The following CACNB2 variants were observed in gnomAD, a reference collection of about 807,000 sequenced individuals.
CACNB2 encodes the protein voltage-dependent L-type calcium channel subunit beta-2.
CACNB2 carries 42 observed loss-of-function variants against 73.3 expected under a neutral mutation model. That is an observed-to-expected ratio of 0.57 (90% CI 0.45 to 0.74). The LOEUF is 0.74. Among genes scored for constraint, CACNB2 ranks in the 30% least tolerant of loss-of-function variants. The pLI is 0.00. For synonymous variants in CACNB2, 348 were observed against 310.3 expected (o/e 1.12, Z -1.28); for missense variants, 940 against 853.0 (o/e 1.10, Z -1.27).
rs761564584 is a variant in CACNB2, at chr10:18,340,951, C to A, written c.214-60973C>A. The A allele has an allele frequency of 1.9e-6, 3 of 1,613,998 alleles. No individual in the cohort carries two copies. Among genetic ancestry groups the A allele is most frequent in the African/African-American group, 2.7e-5 (2 of 74,910 alleles). ...CATGCTTGACAGACGCCTTATAGCT[C>A]CTCAAACTAAATACATTATTCCTGG... is the stretch of plus-strand genomic sequence containing the variant. On this transcript the variant is annotated intron_variant, in intron 2 of 13. Transcript: ENST00000324631.
chr10:18,209,661 A>G (rs953618896), intron 2 of CACNB2, among the ~76,000 whole-genome samples: 3 of 152,142 alleles, frequency 2.0e-5, no homozygotes, highest in Non-Finnish European at 4.4e-5. Flanking sequence ...AGCATACCCA[A>G]ACTTGATGTT....
chr10:18,344,066 C>CAAA lies in CACNB2; in HGVS notation c.214-57843_214-57841dup, dbSNP rs57533459. Among the ~76,000 whole-genome samples the CAAA allele has an allele frequency of 8.2e-5, 9 of 109,504 alleles. 1 individual carries two copies. Among genetic ancestry groups the CAAA allele is most frequent in the African/African-American group, 2.5e-4 (8 of 32,292 alleles). The allele number at this position is 109,504 out of a possible 152,430, so 71.8% of individuals were successfully genotyped here. On this transcript the variant is annotated intron_variant, in intron 2 of 13. Transcript: ENST00000324631. ...AATTTTATATTGCTCAAGCATTTAT[C>CAAA]AAAAAAAAAAAAAAAAAGAAAGTTA... is the stretch of plus-strand genomic sequence containing the variant.
chr10:18,372,920 T>C (rs2042647944), intron 2 of CACNB2, among the ~76,000 whole-genome samples: 1 of 152,222 alleles, frequency 6.6e-6, no homozygotes, highest in African/African-American at 2.4e-5. Flanking sequence ...ATGACTTTTG[T>C]CCACTTTCTC....
intron 3 of CACNB2, among the ~76,000 whole-genome samples, chr10:18,410,345 C>G (rs1225234280): frequency 2.0e-5 from 3 of 152,042 alleles, no homozygotes; most frequent in Non-Finnish European, 2.9e-5. Flanking sequence ...GTTTTGTTCC[C>G]AGTAGTTTTC....
At chr10:18,254,853 A>G (rs189692048) in intron 2 of CACNB2, among the ~76,000 whole-genome samples, 11 of 152,356 alleles carry the variant, frequency 7.2e-5, no homozygotes, top group African/African-American at 2.4e-4. Context: ...ATGCATGGAA[A>G]TGTTCAGGAA....
At chr10:18,424,478 C>T (rs2045495090) in intron 3 of CACNB2, among the ~76,000 whole-genome samples, 3 of 152,120 alleles carry the variant, frequency 2.0e-5, no homozygotes, top group Admixed American at 6.5e-5. Flanking sequence ...TGACATGGCA[C>T]ACTGGTGGGC....
intron 3 of CACNB2, among the ~76,000 whole-genome samples, chr10:18,435,297 A>G (rs548118791): frequency 6.6e-6 from 1 of 152,290 alleles, no homozygotes; most frequent in South Asian, 2.1e-4. Context: ...GACAATAGGC[A>G]ATCCAACATA....
intron 13 of CACNB2, 31 bp from the exon 14 acceptor site, chr10:18,539,199 T>G: frequency 6.2e-7 from 1 of 1,613,756 alleles, no homozygotes. Context: ...CTGACCTTGG[T>G]TAACGCCTGG....
intron 3 of CACNB2, among the ~76,000 whole-genome samples, chr10:18,494,917 T>A (rs1039479124): frequency 6.6e-6 from 1 of 151,922 alleles, no homozygotes; most frequent in African/African-American, 2.4e-5. Context: ...TTAAAAAAAA[T>A]AAAATGTAAA....
intron 2 of CACNB2, chr10:18,340,961 A>C: frequency 6.2e-7 from 1 of 1,614,102 alleles, no homozygotes; most frequent in Non-Finnish European, 8.5e-7. Context: ...CCTCAAACTA[A>C]ATACATTATT....
At chr10:18,300,049 T>A (rs2039446006) in intron 2 of CACNB2, among the ~76,000 whole-genome samples, 1 of 152,014 alleles carries the variant, frequency 6.6e-6, no homozygotes, top group African/African-American at 2.4e-5. Flanking sequence ...GAGACGGAGT[T>A]TCACTCTTCT....
At chr10:18,433,946 G>C (rs2046010339) in intron 3 of CACNB2, among the ~76,000 whole-genome samples, 1 of 151,954 alleles carries the variant, frequency 6.6e-6, no homozygotes, top group Non-Finnish European at 1.5e-5. Flanking sequence ...GAACACAATT[G>C]TGTTAGAACA....
intron 2 of CACNB2, among the ~76,000 whole-genome samples, chr10:18,303,914 A>C (rs752948255): frequency 5.9e-5 from 9 of 152,118 alleles, no homozygotes; most frequent in Non-Finnish European, 8.8e-5. Context: ...ATGAGATTAA[A>C]ATTTATTCAA....
chr10:18,475,548 C>T (rs1426599770), intron 3 of CACNB2, among the ~76,000 whole-genome samples: 1 of 152,144 alleles, frequency 6.6e-6, no homozygotes, highest in Non-Finnish European at 1.5e-5. Context: ...AGAGATGATG[C>T]TCACCGCTGG....
rs2046537604 is a variant in CACNB2 at position 18,443,000 on chromosome 10, G to GTATATATATATATGTATATATA, written c.333+40971_333+40992dup. ...TATATATATATGTATATATATATGTGTATATATATATATGTATATATATAT... is the reference window on the plus strand; with the variant it reads ...TATATATATATGTATATATATATGTGTATATATATATATGTATATATATATATATATATATGTATATATATAT... On this transcript the variant is annotated intron_variant, in intron 3 of 13. Coordinates refer to ENST00000324631, the MANE Select transcript of CACNB2 (RefSeq NM_201596.3). Among the ~76,000 whole-genome samples, 3 of 3,790 alleles carry GTATATATATATATGTATATATA rather than the reference G, an allele frequency of 7.9e-4. 1 individual carries two copies. Among genetic ancestry groups the GTATATATATATATGTATATATA allele is most frequent in the Non-Finnish European group, 1.3e-3 (3 of 2,296 alleles). 2.5% of individuals were successfully genotyped at this position (3,790 alleles called of 152,430 possible).
Position 18,534,174 on chromosome 10 carries a change from A to G in CACNB2, c.1153A>G (p.Ser385Gly). ...ADTINHPAQL[S>G]KTSLAPIIVY... ...TACAATTAATCATCCAGCTCAACTCAGTAAAACCTCCTTGGCCCCTATTAT... is the reference window on the plus strand; with the variant it reads ...TACAATTAATCATCCAGCTCAACTCGGTAAAACCTCCTTGGCCCCTATTAT... The change falls in exon 11 of 14, where the codon AGT becomes GGT. Residue 385 changes from serine (S) to glycine (G), a missense_variant. Physicochemically the swap from Ser to Gly is moderately conservative, Grantham distance 56. Coordinates refer to ENST00000324631, the MANE Select transcript of CACNB2 (RefSeq NM_201596.3). The G allele has an allele frequency of 1.2e-6, 2 of 1,613,796 alleles. No individual in the cohort carries two copies. The highest frequency in any genetic ancestry group is 1.6e-4 in the Middle Eastern group (1 of 6,062).
At chr10:18,174,341 TTTC>T (rs1469126627) in intron 2 of CACNB2, among the ~76,000 whole-genome samples, 1 of 142,106 alleles carries the variant, frequency 7.0e-6, no homozygotes, top group Non-Finnish European at 1.5e-5. Flanking sequence ...CTTTTCTTTC[TTTC>T]TTTTTTTCCT....
chr10:18,143,194 G>A (rs1728835994), intron 1 of CACNB2, among the ~76,000 whole-genome samples: 2 of 152,196 alleles, frequency 1.3e-5, no homozygotes, highest in African/African-American at 4.8e-5. Flanking sequence ...TGTGGAAGGA[G>A]TTCAAAAGAG....
At chr10:18,298,427 T>C (rs185247009) in intron 2 of CACNB2, among the ~76,000 whole-genome samples, 1 of 151,370 alleles carries the variant, frequency 6.6e-6, no homozygotes, top group Non-Finnish European at 1.5e-5. Flanking sequence ...ATGAAGAGAA[T>C]GTACAGTGTG....
Sources: allele counts gnomAD v4.1 joint callset (sites outside exome capture counted in the v4.1 genomes callset), GRCh38; gene constraint gnomAD v4.1.1; transcripts MANE v1.5; gene names NCBI Gene and HGNC (gene_info 2026-07-23, HGNC 2026-07-21).